Variants in NRG1 observed in about 807,000 individuals in gnomAD.
The protein encoded by NRG1 is pro-neuregulin-1, membrane-bound isoform.
NRG1 carries 18 observed loss-of-function variants against 63.8 expected under a neutral mutation model. The observed-to-expected ratio is 0.28, with a 90% CI of 0.19 to 0.42. The LOEUF (loss-of-function observed/expected upper bound fraction) is 0.42, where lower values mean the gene tolerates loss of function less well. NRG1 is among the 10% of genes least tolerant of loss of function. NRG1 has a pLI of 1.00. For missense variants in NRG1, 762 were observed against 814.7 expected (o/e 0.94, Z 0.79); for synonymous variants, 302 against 301.3 (o/e 1.00, Z -0.02).
intron 1 of NRG1, among the ~76,000 whole-genome samples, chr8:31,967,629 G>C (rs1806575577): frequency 6.6e-6 from 1 of 152,178 alleles, no homozygotes; most frequent in Admixed American, 6.5e-5. Context: ...AAAACCAGAA[G>C]GCAGGGTGAG....
intron 5 of NRG1, among the ~76,000 whole-genome samples, chr8:32,706,854 A>G (rs186017412): frequency 2.0e-5 from 3 of 152,286 alleles, no homozygotes; most frequent in East Asian, 1.9e-4. Context: ...ATGTATAGTC[A>G]TAATTACTCC....
chr8:31,663,270 G>A (rs962972206), intron 1 of NRG1, among the ~76,000 whole-genome samples: 1 of 152,312 alleles, frequency 6.6e-6, no homozygotes, highest in African/African-American at 2.4e-5. Context: ...TACCAAAAAA[G>A]TTCTGGATTT....
At chr8:31,799,591 T>C (rs1033576066) in intron 1 of NRG1, among the ~76,000 whole-genome samples, 3 of 152,078 alleles carry the variant, frequency 2.0e-5, no homozygotes, top group African/African-American at 7.2e-5. Flanking sequence ...TATAATTATA[T>C]GAATTTATAT....
intron 1 of NRG1, among the ~76,000 whole-genome samples, chr8:32,104,028 A>T (rs1428208532): frequency 6.6e-6 from 1 of 152,216 alleles, no homozygotes; most frequent in Non-Finnish European, 1.5e-5. Flanking sequence ...TGGATTCCAA[A>T]TATAGACATG....
intron 1 of NRG1, among the ~76,000 whole-genome samples, chr8:31,693,469 G>A (rs74699445): frequency 2.7e-5 from 4 of 150,068 alleles, no homozygotes; most frequent in Non-Finnish European, 1.5e-5. Context: ...ATAGACCCTC[G>A]TTTTACAGTT....
chr8:32,619,113 C>A (rs1400063186), intron 5 of NRG1, among the ~76,000 whole-genome samples: 1 of 152,070 alleles, frequency 6.6e-6, no homozygotes, highest in Non-Finnish European at 1.5e-5. Context: ...TCTTGGGAGG[C>A]TGAGGTGGGA....
chr8:32,520,305 T>C (rs1409809494), intron 1 of NRG1, among the ~76,000 whole-genome samples: 1 of 151,540 alleles, frequency 6.6e-6, no homozygotes, highest in East Asian at 1.9e-4. Flanking sequence ...CACAGGCACG[T>C]GCCACCTTGT....
intron 2 of NRG1, 63 bp from the exon 3 acceptor site, chr8:32,605,499 T>G (rs1451616187): frequency 2.4e-5 from 38 of 1,585,422 alleles, no homozygotes; most frequent in Non-Finnish European, 2.9e-5. Context: ...TAGAAAAGTA[T>G]GTATTTATAT....
chr8:32,322,777 C>A (rs747889166), intron 1 of NRG1, among the ~76,000 whole-genome samples: 4 of 151,974 alleles, frequency 2.6e-5, no homozygotes, highest in Non-Finnish European at 4.4e-5. Context: ...AGCAAATCAT[C>A]AACTGAAGCC....
intron 1 of NRG1, among the ~76,000 whole-genome samples, chr8:32,515,782 G>A (rs1588074035): frequency 1.3e-5 from 2 of 152,010 alleles, no homozygotes; most frequent in East Asian, 3.9e-4. Flanking sequence ...TTTGTTTATT[G>A]ATTTAAGTTC....
At chr8:31,760,486 A>G (rs1288430999) in intron 1 of NRG1, among the ~76,000 whole-genome samples, 2 of 152,210 alleles carry the variant, frequency 1.3e-5, no homozygotes, top group Non-Finnish European at 2.9e-5. Context: ...CTGCACAGCA[A>G]AAGAAACTAT....
chr8:32,620,186 A>G (rs141340602), intron 5 of NRG1, among the ~76,000 whole-genome samples: 73 of 152,338 alleles, frequency 4.8e-4, no homozygotes, highest in African/African-American at 1.5e-3. Flanking sequence ...TTCAAAGAAT[A>G]GATTTCTTTT....
chr8:32,691,617 T>A (rs1811678059), intron 5 of NRG1, among the ~76,000 whole-genome samples: 1 of 152,226 alleles, frequency 6.6e-6, no homozygotes, highest in Admixed American at 6.5e-5. Context: ...TGTGACACAT[T>A]GAGCAATTTT....
At chr8:32,727,897 A>G in intron 5 of NRG1, 52 bp from the exon 6 acceptor site, 3 of 1,581,150 alleles carry the variant, frequency 1.9e-6, no homozygotes, top group Non-Finnish European at 2.6e-6. Flanking sequence ...AAGGCTGCTT[A>G]GAAGGGGGAA....
chr8:32,515,366 G>T (rs1588071881), intron 1 of NRG1, among the ~76,000 whole-genome samples: 1 of 152,214 alleles, frequency 6.6e-6, no homozygotes, highest in East Asian at 1.9e-4. Context: ...GTGATGTTGA[G>T]AATTTTTTTC....
intron 1 of NRG1, among the ~76,000 whole-genome samples, chr8:32,572,424 T>C (rs1838783714): frequency 6.6e-6 from 1 of 152,174 alleles, no homozygotes; most frequent in South Asian, 2.1e-4. Flanking sequence ...ATTGTTACTA[T>C]ACACATTTGA....
intron 1 of NRG1, among the ~76,000 whole-genome samples, chr8:31,688,096 A>G (rs1200671036): frequency 1.3e-5 from 2 of 152,216 alleles, no homozygotes; most frequent in Non-Finnish European, 2.9e-5. Context: ...TTTTTTGTTT[A>G]TAAAAGTGGT....
At chr8:32,366,628 T>G (rs1307073045) in intron 1 of NRG1, among the ~76,000 whole-genome samples, 19 of 149,086 alleles carry the variant, frequency 1.3e-4, no homozygotes, top group African/African-American at 4.2e-4. Flanking sequence ...AATATATGTA[T>G]ATATACACAT....
intron 1 of NRG1, among the ~76,000 whole-genome samples, chr8:32,039,138 G>A (rs1819532456): frequency 6.6e-6 from 1 of 152,106 alleles, no homozygotes; most frequent in Admixed American, 6.5e-5. Flanking sequence ...TTTTTATCAT[G>A]TCTAAGTCTC....
Sources: allele counts gnomAD v4.1 joint callset (sites outside exome capture counted in the v4.1 genomes callset), GRCh38; gene constraint gnomAD v4.1.1; transcripts MANE v1.5; gene names NCBI Gene and HGNC (gene_info 2026-07-23, HGNC 2026-07-21).